NINL: variants seen among roughly 807,000 people sequenced by gnomAD.
NINL encodes the protein ninein like.
NINL carries 153 observed loss-of-function variants against 160.3 expected under a neutral mutation model. The ratio of observed to expected loss-of-function variants is 0.95; its 90% confidence interval spans 0.84 to 1.09. NINL has a LOEUF of 1.09. Among genes scored for constraint, NINL ranks in the 50% least tolerant of loss-of-function variants. The pLI, the probability that NINL is intolerant of heterozygous loss-of-function variation, is 0.00. For missense variants in NINL, 1,829 were observed against 1,764.0 expected, an observed-to-expected ratio of 1.04 and a Z score of -0.66; for synonymous variants, 800 against 734.8, an observed-to-expected ratio of 1.09 and a Z score of -1.43.
intron 14 of NINL, among the ~76,000 whole-genome samples, chr20:25,481,099 A>G (rs562376081): frequency 3.3e-5 from 5 of 152,050 alleles, no homozygotes; most frequent in Non-Finnish European, 7.4e-5. Context: ...AGGTTCCCAT[A>G]TTGGCCTATT....
chr20:25,501,709 C>T (rs1335603495), intron 7 of NINL, among the ~76,000 whole-genome samples: 2 of 152,242 alleles, frequency 1.3e-5, no homozygotes, highest in Non-Finnish European at 2.9e-5. Context: ...GTTAGCCTCA[C>T]TGCAGCCTCC....
chr20:25,575,640 A>G (rs986660623), intron 1 of NINL, among the ~76,000 whole-genome samples: 13 of 151,542 alleles, frequency 8.6e-5, no homozygotes, highest in African/African-American at 3.2e-4. Context: ...AATCCCAGTT[A>G]CTCAGGAGGC....
intron 10 of NINL, among the ~76,000 whole-genome samples, chr20:25,492,122 C>T (rs2063654194): frequency 2.0e-5 from 3 of 152,220 alleles, no homozygotes; most frequent in East Asian, 1.9e-4. Context: ...TGAAGACCAG[C>T]GAGGCTCCTA....
chr20:25,527,629 CA>C (rs1285985450), intron 1 of NINL, among the ~76,000 whole-genome samples: 1 of 151,686 alleles, frequency 6.6e-6, no homozygotes, highest in Non-Finnish European at 1.5e-5. Context: ...TAATAAATCA[CA>C]AAAGATATAT....
intron 17 of NINL, among the ~76,000 whole-genome samples, chr20:25,473,654 T>C (rs538247284): frequency 6.7e-6 from 1 of 149,916 alleles, no homozygotes; most frequent in Non-Finnish European, 1.5e-5. Flanking sequence ...TGAAACCCCG[T>C]CTGTAGTAAA....
At chr20:25,565,738 C>T (rs2064992047) in intron 1 of NINL, among the ~76,000 whole-genome samples, 1 of 152,154 alleles carries the variant, frequency 6.6e-6, no homozygotes, top group Non-Finnish European at 1.5e-5. Context: ...GCATGGGAGT[C>T]TGAGTGGACT....
At chr20:25,504,844 C>T in intron 6 of NINL, 44 bp downstream of exon 6, 1 of 1,598,608 alleles carries the variant, frequency 6.3e-7, no homozygotes, top group Middle Eastern at 2.3e-4. Context: ...AAACCGTGAC[C>T]ATGGCCAGGA....
intron 11 of NINL, 149 bp from the exon 12 acceptor site, chr20:25,490,134 C>A: frequency 2.8e-6 from 2 of 717,008 alleles, no homozygotes; most frequent in Non-Finnish European, 4.7e-6. Context: ...GCTGTGCAGG[C>A]GGCTGTGCCG....
At chr20:25,490,303 G>A (rs1192092970) in intron 11 of NINL, among the ~76,000 whole-genome samples, 1 of 152,180 alleles carries the variant, frequency 6.6e-6, no homozygotes, top group East Asian at 1.9e-4. Flanking sequence ...GCTCACGCCT[G>A]TAATCCCAGC....
intron 4 of NINL, 51 bp from the exon 5 acceptor site, chr20:25,510,791 G>C: frequency 7.3e-7 from 1 of 1,378,262 alleles, no homozygotes; most frequent in Non-Finnish European, 1.0e-6. Flanking sequence ...GTGCTGCTGG[G>C]GACGGAGCAC....
intron 1 of NINL, among the ~76,000 whole-genome samples, chr20:25,529,357 C>T (rs779938583): frequency 6.6e-6 from 1 of 152,146 alleles, no homozygotes; most frequent in African/African-American, 2.4e-5. Context: ...TAATTAAACA[C>T]CTGTTGATAA....
intron 23 of NINL, among the ~76,000 whole-genome samples, 154 bp from the exon 24 acceptor site, chr20:25,453,796 A>T (rs1473663698): frequency 6.6e-6 from 1 of 152,124 alleles, no homozygotes; most frequent in African/African-American, 2.4e-5. Context: ...CACGCCTGTA[A>T]TCCCAGCACT....
At chr20:25,533,013 G>T (rs143874334) in intron 1 of NINL, among the ~76,000 whole-genome samples, 1 of 152,244 alleles carries the variant, frequency 6.6e-6, no homozygotes, top group African/African-American at 2.4e-5. Context: ...CCTGGAAAGC[G>T]GCCCGGCTCA....
intron 1 of NINL, among the ~76,000 whole-genome samples, chr20:25,557,233 C>G (rs2064877040): frequency 6.6e-6 from 1 of 152,120 alleles, no homozygotes; most frequent in South Asian, 2.1e-4. Context: ...TAATAGACTT[C>G]AAGAGGTACA....
At chr20:25,462,598 T>C in intron 19 of NINL, 57 bp from the exon 20 acceptor site, 2 of 1,419,830 alleles carry the variant, frequency 1.4e-6, no homozygotes, top group South Asian at 1.3e-5. Context: ...TTTCATGTTA[T>C]ATATACATTT....
intron 1 of NINL, among the ~76,000 whole-genome samples, chr20:25,576,092 A>C (rs530303139): frequency 6.6e-6 from 1 of 152,204 alleles, no homozygotes; most frequent in Non-Finnish European, 1.5e-5. Context: ...CATGGTGCCA[A>C]CAATGTCCTT....
chr20:25,460,259 CAG>C (rs1300022608), intron 21 of NINL, among the ~76,000 whole-genome samples: 3 of 152,284 alleles, frequency 2.0e-5, no homozygotes, highest in Admixed American at 1.3e-4. Context: ...CTGCCTTTTC[CAG>C]AGTGTCCTGA....
chr20:25,476,600 C>CGGGGCA lies in NINL; in HGVS notation c.2685_2690dup (p.Pro897_Ala898dup), dbSNP rs755810256. On this transcript the variant is annotated inframe_insertion, in exon 17 of 24. Transcript: ENST00000278886. ...ACCTCTCTGAGGGGCCGTGGGATGC[C>CGGGGCA]GGGGCAGGGGCGGGGGCCGGGCTCT... 3 of 1,598,106 alleles carry CGGGGCA rather than the reference C, an allele frequency of 1.9e-6. No homozygotes were observed. The highest frequency in any genetic ancestry group is 2.5e-6 in the Non-Finnish European group (3 of 1,179,154).
At chr20:25,533,352 C>T (rs2064500648) in intron 1 of NINL, among the ~76,000 whole-genome samples, 1 of 152,060 alleles carries the variant, frequency 6.6e-6, no homozygotes, top group Admixed American at 6.5e-5. Context: ...GCCATTTCAG[C>T]CAGGAAACAA....
Sources: allele counts gnomAD v4.1 joint callset (sites outside exome capture counted in the v4.1 genomes callset), GRCh38; gene constraint gnomAD v4.1.1; transcripts MANE v1.5; gene names NCBI Gene and HGNC (gene_info 2026-07-23, HGNC 2026-07-21).